The following CCDC150 variants were observed in gnomAD, a reference collection of about 807,000 sequenced individuals.
The protein encoded by CCDC150 is coiled-coil domain-containing protein 150.
Under a neutral mutation model 156.5 loss-of-function variants are expected in CCDC150, and 151 were observed. The ratio of observed to expected loss-of-function variants is 0.97; its 90% CI spans 0.85 to 1.10. CCDC150 has a LOEUF of 1.10. Ranked by LOEUF, CCDC150 falls within the 50% of genes least tolerant of loss-of-function variation. The probability of loss-of-function intolerance (pLI) is 0.00; values close to 1 mark genes in which losing one functional copy is unlikely to be tolerated. For synonymous variants in CCDC150, 452 were observed against 429.4 expected (o/e 1.05, Z -0.65); for missense variants, 1,312 against 1,268.1 (o/e 1.03, Z -0.53).
At position 196,718,564 on chromosome 2, in the gene CCDC150, C is replaced by A. The variant is rs769204907; in HGVS notation, c.1928C>A (p.Ala643Glu). 6.2e-7 allele frequency: 1 copy of A among 1,613,502 alleles called. No homozygotes were observed. Among genetic ancestry groups the A allele is most frequent in the East Asian group, 2.2e-5 (1 of 44,856 alleles). Residue 643 changes from alanine to glutamate, a missense_variant, in exon 18 of 28, where the codon GCG becomes GAG. Coordinates refer to ENST00000389175, the MANE Select transcript of CCDC150 (RefSeq NM_001080539.2). Reference sequence around the variant, plus strand: ...TCCCGAACAGTGAAGTGTCGTAATGCGGCCCTGAAAGAGAGTCAGAAGTTG... The same window carrying A: ...TCCCGAACAGTGAAGTGTCGTAATGAGGCCCTGAAAGAGAGTCAGAAGTTG... Reference protein sequence around the residue: ...ELSRTVKCRNAALKESQKLKE... With the variant: ...ELSRTVKCRNEALKESQKLKE...
intron 19 of CCDC150, chr2:196,720,073 AATT>A (rs1340333704): frequency 2.6e-6 from 1 of 387,094 alleles, no homozygotes; most frequent in African/African-American, 2.2e-5. Context: ...CAAGATTAAT[AATT>A]ATTTTAGGTG....
At chr2:196,713,124 A>C in intron 17 of CCDC150, 1 of 540,186 alleles carries the variant, frequency 1.9e-6, no homozygotes, top group Non-Finnish European at 3.0e-6. Flanking sequence ...TTGTTAAAGG[A>C]GGCCTCATTA....
In CCDC150 at chr2:196,665,664, T is replaced by G. The variant is rs1693801718; in HGVS notation, c.743T>G (p.Val248Gly). ...LLKIQEMGST[V>G]EVERKQVHIL... Reference sequence around the variant, plus strand: ...AAAATACAAGAAATGGGATCAACAGTGGAGGTAGAACGAAAACAGGTAGAA... The same window carrying G: ...AAAATACAAGAAATGGGATCAACAGGGGAGGTAGAACGAAAACAGGTAGAA... The change falls in exon 6 of 28, where the codon GTG (valine) becomes GGG (glycine). Residue 248 changes from valine to glycine, a missense_variant. By Grantham distance (109) the Val-to-Gly change is moderately radical. Coordinates refer to ENST00000389175, the MANE Select transcript of CCDC150 (RefSeq NM_001080539.2). The G allele has an allele frequency of 6.3e-7, 1 of 1,594,908 alleles. No homozygotes were observed. Among genetic ancestry groups the G allele is most frequent in the Non-Finnish European group, 8.5e-7 (1 of 1,170,246 alleles).
chr2:196,692,379 C>T (rs1282577070), intron 13 of CCDC150, among the ~76,000 whole-genome samples: 2 of 151,662 alleles, frequency 1.3e-5, no homozygotes, highest in Non-Finnish European at 2.9e-5. Flanking sequence ...CATGATCCAC[C>T]CGCCTCAGCC....
intron 15 of CCDC150, among the ~76,000 whole-genome samples, chr2:196,707,603 G>A (rs1696753799): frequency 6.6e-6 from 1 of 152,082 alleles, no homozygotes; most frequent in Non-Finnish European, 1.5e-5. Context: ...TGTGATGTTA[G>A]GGTGTTGATT....
chr2:196,662,670 T>C (rs1395153383), intron 5 of CCDC150, among the ~76,000 whole-genome samples: 1 of 152,004 alleles, frequency 6.6e-6, no homozygotes, highest in African/African-American at 2.4e-5. Context: ...GCGACCCCTG[T>C]AATAAGGTAT....
At chr2:196,704,067 G>A (rs924901225) in intron 15 of CCDC150, among the ~76,000 whole-genome samples, 1 of 152,218 alleles carries the variant, frequency 6.6e-6, no homozygotes, top group Non-Finnish European at 1.5e-5. Context: ...AGGAAGAGCT[G>A]TATACTAAAC....
At chr2:196,690,850 A>G (rs2125643705) in intron 13 of CCDC150, among the ~76,000 whole-genome samples, 1 of 152,240 alleles carries the variant, frequency 6.6e-6, no homozygotes, top group Non-Finnish European at 1.5e-5. Flanking sequence ...TTTGTCATAG[A>G]TGGCTCTTAT....
intron 15 of CCDC150, among the ~76,000 whole-genome samples, chr2:196,707,013 A>G (rs1281304805): frequency 1.3e-5 from 2 of 152,200 alleles, no homozygotes; most frequent in Non-Finnish European, 2.9e-5. Flanking sequence ...TATCAGGATG[A>G]TGCTGGCCTC....
At chr2:196,692,453 T>A (rs1695548594) in intron 13 of CCDC150, among the ~76,000 whole-genome samples, 1 of 152,230 alleles carries the variant, frequency 6.6e-6, no homozygotes, top group Admixed American at 6.5e-5. Context: ...TTTTTTGATG[T>A]GGGAATTTAG....
chr2:196,649,790 T>C (rs1048637455), intron 2 of CCDC150, among the ~76,000 whole-genome samples: 1 of 152,236 alleles, frequency 6.6e-6, no homozygotes, highest in African/African-American at 2.4e-5. Flanking sequence ...TTAATTTCTT[T>C]TTCAGATAGT....
rs113797499 is a variant in CCDC150, at chr2:196,664,475, G to A, written c.646-1092G>A. 7.1e-3 allele frequency among the ~76,000 whole-genome samples: 1,089 copies of A among 152,326 alleles called. 5 individuals carry two copies. The highest frequency in any genetic ancestry group is 0.012 in the Non-Finnish European group (788 of 68,024). ...TACAGTTGAGCAGCCAGATGGAAGCGATGCATAGAGCAAGGCATGTGGGAA... is the reference window on the plus strand; with the variant it reads ...TACAGTTGAGCAGCCAGATGGAAGCAATGCATAGAGCAAGGCATGTGGGAA... On this transcript the variant is annotated intron_variant, in intron 5 of 27. Coordinates refer to ENST00000389175, the MANE Select transcript of CCDC150 (RefSeq NM_001080539.2).
At chr2:196,694,559 G>A (rs1013637814) in intron 13 of CCDC150, among the ~76,000 whole-genome samples, 4 of 152,038 alleles carry the variant, frequency 2.6e-5, no homozygotes, top group African/African-American at 7.2e-5. Flanking sequence ...CAGAGAAAAG[G>A]GTTCTTAAAA....
At chr2:196,676,341 A>G in intron 11 of CCDC150, 74 bp downstream of exon 11, 1 of 1,537,676 alleles carries the variant, frequency 6.5e-7, no homozygotes, top group Non-Finnish European at 8.9e-7. Context: ...TGTCCGTCTC[A>G]GTCTTATCGT....
intron 13 of CCDC150, among the ~76,000 whole-genome samples, chr2:196,693,810 C>T (rs1183579134): frequency 6.6e-6 from 1 of 151,698 alleles, no homozygotes; most frequent in Admixed American, 6.6e-5. Context: ...GAGGTGGTTC[C>T]CTTTCATTTC....
chr2:196,694,678 A>G (rs373698850), intron 13 of CCDC150, among the ~76,000 whole-genome samples: 114 of 152,218 alleles, frequency 7.5e-4, no homozygotes, highest in South Asian at 4.1e-3. Flanking sequence ...CCTGAACAAC[A>G]TGATGAAACC....
At chr2:196,682,785 A>G (rs1436180140) in intron 13 of CCDC150, among the ~76,000 whole-genome samples, 10 of 152,100 alleles carry the variant, frequency 6.6e-5, no homozygotes, top group Non-Finnish European at 1.0e-4. Context: ...GAACCTATCA[A>G]TGACAGTGAG....
At chr2:196,674,458 TCTA>T (rs1340195647) in intron 10 of CCDC150, 110 bp downstream of exon 10, 1 of 664,656 alleles carries the variant, frequency 1.5e-6, no homozygotes, top group East Asian at 2.8e-5. Context: ...TTTCAAAAAA[TCTA>T]CTGAATTATC....
chr2:196,721,786 C>CTCT, intron 21 of CCDC150, 95 bp downstream of exon 21: 1 of 1,014,470 alleles, frequency 9.9e-7, no homozygotes, highest in East Asian at 2.8e-5. Context: ...ATCAGTTAAA[C>CTCT]TCTTTTCTCC....
Sources: gnomAD v4.1 joint callset for allele counts (sites outside exome capture counted in the v4.1 genomes callset) on GRCh38, gnomAD v4.1.1 for gene constraint, MANE v1.5 for transcripts, NCBI Gene and HGNC (gene_info 2026-07-23, HGNC 2026-07-21) for gene names.